The following TG variants were observed in gnomAD, a reference collection of about 807,000 sequenced individuals.
TG encodes thyroglobulin.
Under a neutral mutation model 324.7 loss-of-function variants are expected in TG, and 270 were observed. That is an observed-to-expected ratio of 0.83 (90% CI 0.75 to 0.92). The LOEUF (loss-of-function observed/expected upper bound fraction) is 0.92. Ranked by LOEUF, TG falls within the 40% of genes least tolerant of loss-of-function variation. TG has a pLI of 0.00. For missense variants in TG, 3,591 were observed against 3,456.4 expected, an observed-to-expected ratio of 1.04 and a Z score of -0.98; for synonymous variants, 1,401 against 1,327.0, an observed-to-expected ratio of 1.06 and a Z score of -1.21.
At chr8:132,922,533 T>C (rs78529274) in intron 21 of TG, among the ~76,000 whole-genome samples, 14,372 of 152,200 alleles carry the variant, frequency 0.094, 791 homozygotes, top group African/African-American at 0.14. Flanking sequence ...TGTGGGTCCC[T>C]GGGATAGTGT....
At chr8:132,883,703 G>A (rs1024817725) in intron 8 of TG, among the ~76,000 whole-genome samples, 5 of 152,282 alleles carry the variant, frequency 3.3e-5, no homozygotes, top group East Asian at 1.9e-4. Context: ...GGTTTTGCAC[G>A]TAAGGCAAAG....
intron 19 of TG, 105 bp downstream of exon 19, chr8:132,911,638 T>C (rs1257432829): frequency 1.3e-5 from 12 of 928,508 alleles, no homozygotes; most frequent in East Asian, 7.2e-5. Flanking sequence ...TGATGTCTTC[T>C]TGTGAAGACT....
At chr8:133,065,964 G>C (rs562440079) in intron 41 of TG, among the ~76,000 whole-genome samples, 1 of 152,190 alleles carries the variant, frequency 6.6e-6, no homozygotes, top group Non-Finnish European at 1.5e-5. Flanking sequence ...GTGCTGCTGG[G>C]AGCAGAAGAA....
intron 45 of TG, among the ~76,000 whole-genome samples, chr8:133,127,967 G>A (rs980501000): frequency 1.3e-5 from 2 of 151,878 alleles, no homozygotes; most frequent in Admixed American, 1.3e-4. Context: ...AGTCCACCGC[G>A]GCCTCCTCTC....
chr8:132,918,301 C>T (rs539420355), intron 20 of TG, among the ~76,000 whole-genome samples: 4 of 152,146 alleles, frequency 2.6e-5, no homozygotes, highest in South Asian at 2.1e-4. Context: ...GCAGGTTGGC[C>T]GAAAGGCTTT....
chr8:133,077,304 T>A (rs1453525089), intron 41 of TG, among the ~76,000 whole-genome samples: 1 of 152,082 alleles, frequency 6.6e-6, no homozygotes, highest in Non-Finnish European at 1.5e-5. Context: ...GGGGTCCCGT[T>A]CACAGGAGAA....
rs58739514 is a variant in TG, at chr8:133,042,678, C to CTTTTTTTTTTT, written c.7239+12676_7239+12686dup. Among the ~76,000 whole-genome samples the CTTTTTTTTTTT allele has an allele frequency of 2.1e-3, 118 of 56,768 alleles. 12 individuals are homozygous for CTTTTTTTTTTT. Among genetic ancestry groups the CTTTTTTTTTTT allele is most frequent in the African/African-American group, 2.9e-3 (42 of 14,486 alleles). 37.2% of individuals were successfully genotyped at this position (56,768 alleles called of 152,430 possible). On this transcript the variant is annotated intron_variant, in intron 41 of 47. Coordinates refer to ENST00000220616, the MANE Select transcript of TG (RefSeq NM_003235.5). ...GTGCACAATTCCTCTCATTCTGTGT[C>CTTTTTTTTTTT]TTTTTTTTTTTTTTTTTTTTTTTTT...
intron 29 of TG, 114 bp from the exon 30 acceptor site, chr8:132,966,446 T>G: frequency 7.5e-7 from 1 of 1,332,900 alleles, no homozygotes; most frequent in Non-Finnish European, 1.0e-6. Flanking sequence ...CTCTGACACT[T>G]TCTCTCTCTG....
intron 15 of TG, 112 bp downstream of exon 15, chr8:132,900,451 G>A: frequency 3.0e-6 from 3 of 989,228 alleles, no homozygotes; most frequent in South Asian, 1.4e-5. Context: ...TAGCTGTGGG[G>A]GCACAGCTGC....
At chr8:132,913,402 C>T in intron 20 of TG, 137 bp downstream of exon 20, 1 of 874,758 alleles carries the variant, frequency 1.1e-6, no homozygotes, top group South Asian at 1.4e-5. Flanking sequence ...CAAAAGTTTT[C>T]AATCATCTAC....
chr8:133,111,431 G>A (rs568025844), intron 43 of TG, among the ~76,000 whole-genome samples: 8 of 152,260 alleles, frequency 5.3e-5, no homozygotes, highest in South Asian at 2.1e-4. Flanking sequence ...GAAATAGTAA[G>A]AGGGGTGCCA....
At chr8:132,983,794 T>C (rs1831197010) in intron 35 of TG, 1 of 355,560 alleles carries the variant, frequency 2.8e-6, no homozygotes, top group Non-Finnish European at 5.4e-6. Flanking sequence ...AGAAGTCAGC[T>C]CCTTATTAGT....
chr8:133,027,563 T>C (rs1454409407), intron 40 of TG, among the ~76,000 whole-genome samples: 1 of 152,132 alleles, frequency 6.6e-6, no homozygotes, highest in Non-Finnish European at 1.5e-5. Flanking sequence ...ACTGATGAGA[T>C]AGCCTCATGG....
chr8:132,921,215 G>A (rs1821065681), intron 21 of TG, among the ~76,000 whole-genome samples: 1 of 152,156 alleles, frequency 6.6e-6, no homozygotes, highest in Admixed American at 6.5e-5. Context: ...ATATAAGTTT[G>A]GTAAGGGAGG....
At chr8:132,952,398 T>C (rs945233600) in intron 27 of TG, among the ~76,000 whole-genome samples, 4 of 152,178 alleles carry the variant, frequency 2.6e-5, no homozygotes, top group Admixed American at 6.5e-5. Flanking sequence ...CCTCCATCTG[T>C]GCAATGGGCG....
chr8:132,961,635 A>T (rs1488475446), intron 28 of TG, among the ~76,000 whole-genome samples: 1 of 152,160 alleles, frequency 6.6e-6, no homozygotes, highest in Non-Finnish European at 1.5e-5. Flanking sequence ...AGACCCAGGG[A>T]AAATGAAAGG....
At chr8:132,995,577 C>A (rs563058656) in intron 35 of TG, 17 of 957,004 alleles carry the variant, frequency 1.8e-5, no homozygotes, top group Non-Finnish European at 6.2e-6. Context: ...GCCCACGCAC[C>A]CAGGATCATG....
chr8:133,019,483 T>C (rs532417846), intron 38 of TG, 119 bp from the exon 39 acceptor site: 178 of 797,064 alleles, frequency 2.2e-4, no homozygotes, highest in Admixed American at 6.1e-4. Flanking sequence ...CTGCCTAATT[T>C]CTGCAGAGCT....
intron 16 of TG, among the ~76,000 whole-genome samples, chr8:132,904,617 G>T (rs1263776199): frequency 1.3e-5 from 2 of 152,158 alleles, no homozygotes; most frequent in Non-Finnish European, 2.9e-5. Context: ...GGTCTGCTAG[G>T]GAAGGTAGGT....
Sources: allele counts gnomAD v4.1 joint callset (sites outside exome capture counted in the v4.1 genomes callset), GRCh38; gene constraint gnomAD v4.1.1; transcripts MANE v1.5; gene names NCBI Gene and HGNC (gene_info 2026-07-23, HGNC 2026-07-21).